The following INTS4 variants were observed in gnomAD, a reference collection of about 807,000 sequenced individuals.
INTS4 encodes the protein integrator complex subunit 4.
In INTS4, 70 loss-of-function variants were observed where a neutral mutation model predicts 119.5. The observed-to-expected ratio is 0.59, with a 90% CI of 0.48 to 0.71. INTS4 has a LOEUF of 0.71. INTS4 is among the 30% of genes least tolerant of loss of function. The pLI is 0.00. For missense variants in INTS4, 867 were observed against 1,173.2 expected, an observed-to-expected ratio of 0.74 and a Z score of 3.81; for synonymous variants, 316 against 419.6, an observed-to-expected ratio of 0.75 and a Z score of 3.02.
intron 8 of INTS4, among the ~76,000 whole-genome samples, chr11:77,953,652 C>T (rs71469599): frequency 0.055 from 8,288 of 151,512 alleles, 320 homozygotes; most frequent in East Asian, 0.21. Flanking sequence ...GGCACAATCT[C>T]GGCTCACTGC....
chr11:77,907,236 G>A (rs996487612), intron 16 of INTS4, among the ~76,000 whole-genome samples: 9 of 152,032 alleles, frequency 5.9e-5, no homozygotes, highest in Non-Finnish European at 1.3e-4. Flanking sequence ...CACCACACCT[G>A]CCTACTTTAA....
At chr11:77,950,213 G>A (rs772581283) in intron 8 of INTS4, among the ~76,000 whole-genome samples, 16 of 151,940 alleles carry the variant, frequency 1.1e-4, no homozygotes, top group Non-Finnish European at 2.1e-4. Flanking sequence ...ACCAGGGACT[G>A]TCAGAGGGTG....
At chr11:77,939,862 A>AAAAC (rs760664865) in intron 9 of INTS4, among the ~76,000 whole-genome samples, 5 of 151,212 alleles carry the variant, frequency 3.3e-5, no homozygotes, top group African/African-American at 1.2e-4. Flanking sequence ...AAAAAAAAAC[A>AAAAC]AAACAAACAA....
chr11:77,954,207 T>C (rs1461749394), intron 8 of INTS4, among the ~76,000 whole-genome samples: 2 of 152,374 alleles, frequency 1.3e-5, no homozygotes, highest in African/African-American at 4.8e-5. Context: ...TACAATTTTC[T>C]GTCTGTATAA....
chr11:77,916,163 C>G (rs1953200069), intron 15 of INTS4, among the ~76,000 whole-genome samples: 3 of 152,174 alleles, frequency 2.0e-5, no homozygotes, highest in African/African-American at 7.2e-5. Context: ...GCAAATGAAC[C>G]CTGAGCAATA....
intron 15 of INTS4, among the ~76,000 whole-genome samples, chr11:77,916,646 C>T (rs535571577): frequency 1.3e-5 from 2 of 152,298 alleles, no homozygotes; most frequent in South Asian, 4.2e-4. Flanking sequence ...TCTCCCAGCT[C>T]TTCTAATGTC....
At chr11:77,979,211 C>T in intron 3 of INTS4, 109 bp from the exon 4 acceptor site, 1 of 611,278 alleles carries the variant, frequency 1.6e-6, no homozygotes, top group Non-Finnish European at 3.1e-6. Context: ...TGACTCACAA[C>T]TGTAATCCCA....
chr11:77,988,036 T>C (rs1336320611), intron 2 of INTS4, among the ~76,000 whole-genome samples: 1 of 152,154 alleles, frequency 6.6e-6, no homozygotes, highest in East Asian at 1.9e-4. Context: ...AGTCTCTAGA[T>C]AGATAGATAC....
chr11:77,938,132 C>A (rs1407382892), intron 10 of INTS4, among the ~76,000 whole-genome samples: 1 of 151,876 alleles, frequency 6.6e-6, no homozygotes, highest in Non-Finnish European at 1.5e-5. Context: ...CAGGTGTGAG[C>A]CACCACGCCT....
intron 3 of INTS4, among the ~76,000 whole-genome samples, chr11:77,981,025 T>C (rs1432538665): frequency 6.6e-6 from 1 of 151,936 alleles, no homozygotes; most frequent in Non-Finnish European, 1.5e-5. Context: ...GAACGAGTAC[T>C]GTATGTTCAG....
intron 4 of INTS4, among the ~76,000 whole-genome samples, chr11:77,962,346 T>C (rs1954496515): frequency 6.6e-6 from 1 of 152,226 alleles, no homozygotes; most frequent in African/African-American, 2.4e-5. Context: ...CTTCCACCAG[T>C]GCTGCATAAG....
At chr11:77,883,507 C>CT in intron 22 of INTS4, among the ~76,000 whole-genome samples, 5 of 152,174 alleles carry the variant, frequency 3.3e-5, no homozygotes, top group Admixed American at 3.3e-4. Context: ...CTAAGGTGAC[C>CT]AAGCAAGTCG....
At chr11:77,972,770 T>C (rs1294467298) in intron 4 of INTS4, among the ~76,000 whole-genome samples, 1 of 151,938 alleles carries the variant, frequency 6.6e-6, no homozygotes, top group Non-Finnish European at 1.5e-5. Flanking sequence ...TATAGTACCA[T>C]AGTATCTGGA....
intron 3 of INTS4, among the ~76,000 whole-genome samples, chr11:77,979,427 A>G (rs771642868): frequency 3.3e-5 from 5 of 151,982 alleles, no homozygotes; most frequent in Admixed American, 6.6e-5. Flanking sequence ...GTGAGCCGTA[A>G]TCGCGCCACA....
chr11:77,957,100 A>ACTCAGGAGGGTGAACTGGGAGG (rs1954347064), intron 7 of INTS4, among the ~76,000 whole-genome samples: 1 of 151,982 alleles, frequency 6.6e-6, no homozygotes, highest in Non-Finnish European at 1.5e-5. Flanking sequence ...ACACCCAGCT[A>ACTCAGGAGGGTGAACTGGGAGG]ATTTTTTATA....
chr11:77,927,610 C>G (rs2510965), intron 11 of INTS4, among the ~76,000 whole-genome samples: 87,961 of 151,824 alleles, frequency 0.58, 25,731 homozygotes, highest in African/African-American at 0.61. Context: ...AAGCAACTCT[C>G]TGTTTACATT....
chr11:77,879,093 G>C lies in INTS4; in HGVS notation c.2748C>G (p.Ala916=). The change falls in exon 23 of 23, where the codon GCC becomes GCG. Residue 916 remains alanine, a synonymous_variant. Coordinates refer to ENST00000534064, the MANE Select transcript of INTS4 (RefSeq NM_033547.4). ...TTGGAATGCGAGCACTGGAGTTGTA[G>C]GCCAGCAGCAGCCTCACTTCCACCT... ...ACQVEVRLLL[A]YNSSARIPKC... The C allele has an allele frequency of 6.2e-7, 1 of 1,614,088 alleles. No individual in the cohort carries two copies. Among genetic ancestry groups the C allele is most frequent in the Non-Finnish European group, 8.5e-7 (1 of 1,180,018 alleles).
chr11:77,922,323 C>G (rs779702669), intron 13 of INTS4, 33 bp downstream of exon 13: 12 of 1,527,192 alleles, frequency 7.9e-6, no homozygotes, highest in Middle Eastern at 2.4e-4. Flanking sequence ...TGCCTGCCAA[C>G]ACATCAGGGC....
At position 77,879,076 on chromosome 11, in the gene INTS4, C is replaced by A; in HGVS notation, c.2765G>T (p.Arg922Leu). ...RLLLAYNSSARIPKCPWMEGG... is the reference protein window; with the variant it reads ...RLLLAYNSSALIPKCPWMEGG... ...CTCCATCCAGGGGCATTTTGGAATG[C>A]GAGCACTGGAGTTGTAGGCCAGCAG... is the stretch of plus-strand genomic sequence containing the variant. The change falls in exon 23 of 23, where the codon CGC (arginine) becomes CTC (leucine). Residue 922 changes from arginine to leucine, a missense_variant. By Grantham distance (102) the Arg-to-Leu change is moderately radical. Around this residue, in one of 5 missense-constraint regions of INTS4, gnomAD observed 122 missense variants for 133.2 expected, o/e 0.92. Coordinates refer to ENST00000534064, the MANE Select transcript of INTS4 (RefSeq NM_033547.4). 6.2e-7 allele frequency: 1 copy of A among 1,614,076 alleles called. No individual in the cohort carries two copies. Among genetic ancestry groups the A allele is most frequent in the South Asian group, 1.1e-5 (1 of 91,080 alleles).
Sources: gnomAD v4.1 joint callset for allele counts (sites outside exome capture counted in the v4.1 genomes callset) on GRCh38, gnomAD v4.1.1 for gene constraint, gnomAD v4.1.1 regional missense constraint, MANE v1.5 for transcripts, NCBI Gene and HGNC (gene_info 2026-07-23, HGNC 2026-07-21) for gene names.